Variants in NLGN1 observed in about 807,000 individuals in gnomAD.
NLGN1 encodes neuroligin-1.
NLGN1 carries 12 observed loss-of-function variants against 65.5 expected under a neutral mutation model. The ratio of observed to expected loss-of-function variants is 0.18; its 90% CI spans 0.12 to 0.30. NLGN1 has a LOEUF of 0.30. NLGN1 is among the 10% of genes least tolerant of loss of function. The pLI, the probability that NLGN1 is intolerant of heterozygous loss-of-function variation, is 1.00. For missense variants in NLGN1, 750 were observed against 1,007.1 expected (o/e 0.74, Z 3.46); for synonymous variants, 350 against 359.5 (o/e 0.97, Z 0.30).
At chr3:173,972,782 T>C (rs1041847187) in intron 4 of NLGN1, among the ~76,000 whole-genome samples, 9 of 152,094 alleles carry the variant, frequency 5.9e-5, no homozygotes, top group Admixed American at 1.3e-4. Flanking sequence ...GTAGTTGTTC[T>C]CAAAGTGTGG....
At chr3:173,790,825 T>G (rs1052442345) in intron 3 of NLGN1, among the ~76,000 whole-genome samples, 3 of 152,120 alleles carry the variant, frequency 2.0e-5, no homozygotes, top group African/African-American at 4.8e-5. Flanking sequence ...TATCACAATA[T>G]TTTTAGAAGA....
At chr3:174,265,156 A>T (rs1315383576) in intron 4 of NLGN1, among the ~76,000 whole-genome samples, 1 of 151,668 alleles carries the variant, frequency 6.6e-6, no homozygotes, top group Non-Finnish European at 1.5e-5. Context: ...CTGCCCCCAG[A>T]GGTGGAGCCT....
intron 3 of NLGN1, among the ~76,000 whole-genome samples, chr3:173,646,311 G>A (rs115430058): frequency 0.014 from 2,127 of 152,242 alleles, 55 homozygotes; most frequent in African/African-American, 0.048. Flanking sequence ...GTAGAAAGTA[G>A]GACTAATCGT....
intron 4 of NLGN1, among the ~76,000 whole-genome samples, chr3:174,250,536 A>T (rs1438303458): frequency 6.6e-6 from 1 of 152,204 alleles, no homozygotes; most frequent in Non-Finnish European, 1.5e-5. Flanking sequence ...AAACACAACT[A>T]GAAGGACGTT....
intron 4 of NLGN1, among the ~76,000 whole-genome samples, chr3:174,000,930 C>T (rs749848360): frequency 2.9e-4 from 44 of 151,996 alleles, no homozygotes; most frequent in Non-Finnish European, 5.6e-4. Context: ...TCTCTGAATC[C>T]CAGGTTATCC....
chr3:174,284,828 T>G (rs894933648), exon 7 of NLGN1: 1 of 151,334 alleles, frequency 6.6e-6, no homozygotes, highest in Non-Finnish European at 1.5e-5. Flanking sequence ...AAAATCTGAG[T>G]ATATATTATT....
At chr3:174,225,874 T>A (rs1457778918) in intron 4 of NLGN1, among the ~76,000 whole-genome samples, 1 of 152,164 alleles carries the variant, frequency 6.6e-6, no homozygotes, top group African/African-American at 2.4e-5. Flanking sequence ...ATCATTACAA[T>A]TAAACTCTAG....
At chr3:173,763,078 A>G (rs892446200) in intron 3 of NLGN1, among the ~76,000 whole-genome samples, 1 of 151,790 alleles carries the variant, frequency 6.6e-6, no homozygotes, top group East Asian at 1.9e-4. Flanking sequence ...ACTACTGATA[A>G]TTAAATATTT....
At chr3:173,635,971 C>T (rs773038112) in intron 3 of NLGN1, among the ~76,000 whole-genome samples, 4 of 152,012 alleles carry the variant, frequency 2.6e-5, no homozygotes, top group Non-Finnish European at 4.4e-5. Context: ...TGTGCAGTTC[C>T]ACAGCAGAAG....
Position 173,730,311 on chromosome 3 carries a change from T to C in NLGN1, c.494-77369T>C, listed in dbSNP as rs370207510. 7.6e-4 allele frequency among the ~76,000 whole-genome samples: 57 copies of C among 74,750 alleles called. 1 individual carries two copies. In the East Asian group the frequency reaches 0.021, roughly 27 times the overall value. 49.0% of individuals were successfully genotyped at this position (74,750 alleles called of 152,430 possible). A position where few individuals can be genotyped will look rare whatever the true frequency, so the allele number is the denominator to read the frequency against. On this transcript the variant is annotated intron_variant, in intron 3 of 6. Transcript: ENST00000457714. ...CATGTTTTGAGGTCTAACACACTACTGCCCCACCGCTCCCCCCCCCCCGCA... is the reference window on the plus strand; with the variant it reads ...CATGTTTTGAGGTCTAACACACTACCGCCCCACCGCTCCCCCCCCCCCGCA...
chr3:173,638,725 T>C (rs1756970770), intron 3 of NLGN1, among the ~76,000 whole-genome samples: 1 of 152,200 alleles, frequency 6.6e-6, no homozygotes. Context: ...TTCTCTTTAT[T>C]GAAATATCAA....
At chr3:174,285,662 T>C in exon 7 of NLGN1, 1 of 151,506 alleles carries the variant, frequency 6.6e-6, no homozygotes, top group East Asian at 1.9e-4. Context: ...TTGATTTTAT[T>C]CTGGCACGTT....
intron 3 of NLGN1, among the ~76,000 whole-genome samples, chr3:173,700,854 G>A (rs1379008152): frequency 5.3e-5 from 8 of 152,286 alleles, no homozygotes; most frequent in South Asian, 4.1e-4. Flanking sequence ...GGCCGGGCAC[G>A]GTGGCTCAAG....
intron 4 of NLGN1, among the ~76,000 whole-genome samples, chr3:174,209,655 A>G (rs1736084440): frequency 9.2e-6 from 1 of 108,856 alleles, no homozygotes; most frequent in Non-Finnish European, 1.7e-5. Flanking sequence ...TTTTTGAGAC[A>G]GAGTCTTACT....
At chr3:173,940,309 G>A (rs750636319) in intron 4 of NLGN1, among the ~76,000 whole-genome samples, 31 of 151,930 alleles carry the variant, frequency 2.0e-4, no homozygotes, top group African/African-American at 3.4e-4. Context: ...GGCTGGTCTC[G>A]AACCCCTGAC....
intron 4 of NLGN1, among the ~76,000 whole-genome samples, chr3:174,097,996 G>A (rs1188055638): frequency 1.3e-5 from 2 of 152,166 alleles, no homozygotes; most frequent in Non-Finnish European, 2.9e-5. Flanking sequence ...TCCTGCAGTA[G>A]CTTCTCTGCA....
intron 3 of NLGN1, among the ~76,000 whole-genome samples, chr3:173,796,802 A>G (rs1368996894): frequency 1.3e-5 from 2 of 152,170 alleles, no homozygotes; most frequent in East Asian, 3.8e-4. Flanking sequence ...AATGTTGTTA[A>G]TAACTGTTAT....
At position 174,279,938 on chromosome 3, in the gene NLGN1, T is replaced by C. The variant is rs1422703156; in HGVS notation, c.1649+288T>C. On this transcript the variant is annotated intron_variant, in intron 6 of 6. Transcript: ENST00000457714. This position sits in a 1 kb window ranked among gnomAD's most constrained non-coding sequence, Gnocchi z 4.7. ...AAGACTTGTTATTGTTCAGCAGTAA[T>C]AAATATTATTTTATAGTGCTTTGTC... 6.6e-6 allele frequency among the ~76,000 whole-genome samples: 1 copy of C among 151,980 alleles called. No individual in the cohort carries two copies. Among genetic ancestry groups the C allele is most frequent in the East Asian group, 1.9e-4 (1 of 5,144 alleles).
At chr3:173,429,025 C>T (rs1033991504) in intron 1 of NLGN1, among the ~76,000 whole-genome samples, 3 of 151,998 alleles carry the variant, frequency 2.0e-5, no homozygotes, top group Non-Finnish European at 4.4e-5. Flanking sequence ...CTTTTAGTAT[C>T]TGGATAATCT....
Sources: gnomAD v4.1 joint callset for allele counts (sites outside exome capture counted in the v4.1 genomes callset) on GRCh38, gnomAD v4.1.1 for gene constraint, Gnocchi (gnomAD v3.1) non-coding constraint, MANE v1.5 for transcripts, NCBI Gene and HGNC (gene_info 2026-07-23, HGNC 2026-07-21) for gene names.